PAN3: variants seen among roughly 807,000 people sequenced by gnomAD.
The protein encoded by PAN3 is poly(A) specific ribonuclease subunit PAN3, also known as PAN2-PAN3 deadenylation complex subunit PAN3.
Under a neutral mutation model 96.2 loss-of-function variants are expected in PAN3, and 19 were observed. That is an observed-to-expected ratio of 0.20 (90% CI 0.14 to 0.29). PAN3 has a LOEUF of 0.29. Among genes scored for constraint, PAN3 ranks in the 10% least tolerant of loss-of-function variants. The pLI is 1.00. For synonymous variants in PAN3, 433 were observed against 406.6 expected (o/e 1.06, Z -0.78); for missense variants, 882 against 1,108.1 (o/e 0.80, Z 2.90).
intron 14 of PAN3, among the ~76,000 whole-genome samples, chr13:28,275,694 A>C (rs1182670411): frequency 6.6e-6 from 1 of 152,204 alleles, no homozygotes; most frequent in Non-Finnish European, 1.5e-5. Context: ...AGTTCATCAC[A>C]GTGTCCTCCA....
At chr13:28,241,315 A>T (rs964483300) in intron 6 of PAN3, among the ~76,000 whole-genome samples, 1 of 152,246 alleles carries the variant, frequency 6.6e-6, no homozygotes, top group African/African-American at 2.4e-5. Context: ...AGAAGGCTGT[A>T]CTTGCATATA....
rs1874994280 is a variant in PAN3 at position 28,176,379 on chromosome 13, TAATGTGAAC to T, written c.553-112_553-104del. 8.9e-6 allele frequency: 8 copies of T among 895,872 alleles called. No homozygotes were observed. In the Middle Eastern group the frequency reaches 6.6e-4, roughly 74 times the overall value. The allele number at this position is 895,872 out of a possible 1,614,324, so 55.5% of individuals were successfully genotyped here. On this transcript the variant is annotated intron_variant, in intron 2 of 18. Transcript: ENST00000380958. ...ACTTACAGGAAGATTAGATTGTCAGTAATGTGAACAGTAGATTGGAGGGGAAGAAGCAAA... is the reference window on the plus strand; with the variant it reads ...ACTTACAGGAAGATTAGATTGTCAGTAGTAGATTGGAGGGGAAGAAGCAAA...
intron 18 of PAN3, among the ~76,000 whole-genome samples, chr13:28,288,461 A>G (rs1238083719): frequency 6.6e-6 from 1 of 151,854 alleles, no homozygotes; most frequent in African/African-American, 2.4e-5. Flanking sequence ...CACCATGCGC[A>G]GCTAATCTTT....
At chr13:28,215,008 A>G in intron 5 of PAN3, 1 of 1,255,364 alleles carries the variant, frequency 8.0e-7, no homozygotes, top group Non-Finnish European at 1.1e-6. Flanking sequence ...TACAGCCAGA[A>G]GAGATATGAG....
intron 5 of PAN3, among the ~76,000 whole-genome samples, chr13:28,203,807 CTT>C (rs767439908): frequency 8.6e-5 from 12 of 139,800 alleles, no homozygotes; most frequent in Non-Finnish European, 9.5e-5. Context: ...TTTTTCTTTT[CTT>C]TTTTTTTTTT....
intron 4 of PAN3, among the ~76,000 whole-genome samples, chr13:28,187,271 G>A (rs751972596): frequency 2.6e-5 from 4 of 152,108 alleles, no homozygotes; most frequent in East Asian, 1.9e-4. Context: ...AGGTTGCAGC[G>A]AGCCGTGTTT....
chr13:28,230,115 T>C (rs1882387699), intron 6 of PAN3, among the ~76,000 whole-genome samples: 1 of 152,068 alleles, frequency 6.6e-6, no homozygotes, highest in African/African-American at 2.4e-5. Context: ...TTGAATTGTT[T>C]CCTGTGAATA....
chr13:28,192,067 T>G (rs1401354644), intron 4 of PAN3, among the ~76,000 whole-genome samples: 4 of 128,046 alleles, frequency 3.1e-5, no homozygotes, highest in African/African-American at 1.3e-4. Context: ...TTTTTTTTTT[T>G]GAGACTGAGT....
intron 4 of PAN3, among the ~76,000 whole-genome samples, chr13:28,195,485 GT>G (rs933423838): frequency 6.6e-5 from 10 of 152,042 alleles, no homozygotes; most frequent in Non-Finnish European, 1.3e-4. Context: ...CTCAATGCAA[GT>G]TTAGTTATTT....
At chr13:28,260,928 T>C (rs905790457) in intron 8 of PAN3, among the ~76,000 whole-genome samples, 2 of 152,226 alleles carry the variant, frequency 1.3e-5, no homozygotes, top group Non-Finnish European at 2.9e-5. Flanking sequence ...GAGAGCTCAA[T>C]ATTTTTTTAA....
chr13:28,197,337 C>T lies in PAN3; in HGVS notation c.843C>T (p.Asn281=). The T allele has an allele frequency of 1.9e-6, 3 of 1,594,390 alleles. No homozygotes were observed. The highest frequency in any genetic ancestry group is 2.6e-6 in the Non-Finnish European group (3 of 1,170,502). The change falls in exon 5 of 19, where the codon AAC becomes AAT. Residue 281 remains asparagine (N), a synonymous_variant. Transcript: ENST00000380958. ...TTTGGTGGAACAGAGTCACAGAAAA[C>T]AATTTACAGGTAAAAATAATTTTTA... ...NMVWWNRVTE[N]NLQTPNPTAS...
At chr13:28,180,897 A>G (rs1566164144) in intron 4 of PAN3, among the ~76,000 whole-genome samples, 1 of 152,122 alleles carries the variant, frequency 6.6e-6, no homozygotes, top group South Asian at 2.1e-4. Flanking sequence ...GATGCAATAC[A>G]TGAACCTACA....
rs923415601 is a variant in PAN3, at chr13:28,139,062, G to C, written c.405G>C (p.Gly135=). The C allele has an allele frequency of 2.2e-5, 28 of 1,276,494 alleles. No individual in the cohort carries two copies. In the African/African-American group the frequency reaches 3.7e-4, roughly 17 times the overall value. 79.1% of individuals were successfully genotyped at this position (1,276,494 alleles called of 1,614,324 possible). A position where few individuals can be genotyped will look rare whatever the true frequency, so the allele number is the denominator to read the frequency against. ...GAAAGGGGSS[G]GLDGPRLAIP... ...CAGCCGGCGGAGGAGGCAGTAGCGG[G>C]GGACTCGATGGACCGCGGCTGGCAA... The change falls in exon 1 of 19, where the codon GGG becomes GGC. Residue 135 remains glycine (G), a synonymous_variant. Coordinates refer to ENST00000380958, the MANE Select transcript of PAN3 (RefSeq NM_175854.8).
chr13:28,247,685 CTT>C (rs1884337800), intron 6 of PAN3, among the ~76,000 whole-genome samples: 1 of 152,166 alleles, frequency 6.6e-6, no homozygotes, highest in Non-Finnish European at 1.5e-5. Flanking sequence ...AAGAGGCCAT[CTT>C]TTCCCCAATA....
At position 28,275,378 on chromosome 13, in the gene PAN3, A is replaced by G. The variant is rs971487613; in HGVS notation, c.2050-1859A>G. 3.3e-5 allele frequency among the ~76,000 whole-genome samples: 5 copies of G among 152,174 alleles called. No individual in the cohort carries two copies. In the East Asian group the frequency reaches 9.6e-4, roughly 29 times the overall value. On this transcript the variant is annotated intron_variant, in intron 14 of 18. Transcript: ENST00000380958. Reference sequence around the variant, plus strand: ...CCATTTTGGTTTTCTGTCTCATAATAGAGAATAATGGAATATTCTGGGAGG... The same window carrying G: ...CCATTTTGGTTTTCTGTCTCATAATGGAGAATAATGGAATATTCTGGGAGG...
intron 5 of PAN3, among the ~76,000 whole-genome samples, chr13:28,213,269 A>G (rs1160461214): frequency 1.3e-5 from 2 of 152,246 alleles, no homozygotes; most frequent in South Asian, 2.1e-4. Context: ...ACCTATATGC[A>G]TAGACTACAT....
intron 5 of PAN3, among the ~76,000 whole-genome samples, chr13:28,201,511 A>G (rs1878694713): frequency 2.0e-5 from 3 of 151,762 alleles, no homozygotes; most frequent in Non-Finnish European, 4.4e-5. Flanking sequence ...GTGTCGCTGC[A>G]CTCCAGCCTG....
chr13:28,219,672 G>T (rs546547316), intron 5 of PAN3, among the ~76,000 whole-genome samples: 1 of 152,350 alleles, frequency 6.6e-6, no homozygotes, highest in Non-Finnish European at 1.5e-5. Context: ...GCATGGTACT[G>T]CATGGGCATT....
chr13:28,204,416 A>C (rs1335306467), intron 5 of PAN3, among the ~76,000 whole-genome samples: 1 of 152,218 alleles, frequency 6.6e-6, no homozygotes, highest in Non-Finnish European at 1.5e-5. Context: ...GTGAGGATTC[A>C]AATTTCCAAG....
Sources: allele counts gnomAD v4.1 joint callset (sites outside exome capture counted in the v4.1 genomes callset), GRCh38; gene constraint gnomAD v4.1.1; transcripts MANE v1.5; gene names NCBI Gene and HGNC (gene_info 2026-07-23, HGNC 2026-07-21).